Variants in C1orf167 observed in about 807,000 individuals in gnomAD.
C1orf167 encodes the protein chromosome 1 open reading frame 167.
Under a neutral mutation model 176.5 loss-of-function variants are expected in C1orf167, and 153 were observed. The ratio of observed to expected loss-of-function variants is 0.87; its 90% CI spans 0.76 to 0.99. The LOEUF (loss-of-function observed/expected upper bound fraction) is 0.99. Among genes scored for constraint, C1orf167 ranks in the 50% least tolerant of loss-of-function variants. The pLI, the probability that C1orf167 is intolerant of heterozygous loss-of-function variation, is 0.00. For synonymous variants in C1orf167, 594 were observed against 752.7 expected, an observed-to-expected ratio of 0.79 and a Z score of 3.45; for missense variants, 1,490 against 1,817.7, an observed-to-expected ratio of 0.82 and a Z score of 3.28.
intron 6 of C1orf167, among the ~76,000 whole-genome samples, chr1:11,771,069 A>ATATT (rs1557726938): frequency 4.2e-4 from 20 of 47,174 alleles, no homozygotes; most frequent in Admixed American, 8.1e-4. Context: ...ATATATATAT[A>ATATT]TTTTTTTTTT....
Position 11,762,221 on chromosome 1 carries a change from ACCTGCGGG to A in C1orf167, c.-154_-147del. The A allele has an allele frequency of 2.2e-6, 1 of 446,488 alleles. No individual in the cohort carries two copies. The highest frequency in any genetic ancestry group is 4.5e-6 in the Non-Finnish European group (1 of 220,030). 27.7% of individuals were successfully genotyped at this position (446,488 alleles called of 1,614,324 possible). ...GTCCCCTCCCGCCCGCGACCTGCCG[ACCTGCGGG>A]GATCGTTAGCGGTCCCAGCCCCCGT... On this transcript the variant is annotated 5_prime_UTR_variant, in exon 1 of 21. Coordinates refer to ENST00000688073, the MANE Select transcript of C1orf167 (RefSeq NM_001010881.2).
rs1570450479 is a variant in C1orf167 at position 11,787,940 on chromosome 1, G to A, written c.3741G>A (p.Trp1247Ter). 1.5e-6 allele frequency: 2 copies of A among 1,303,768 alleles called. No homozygotes were observed. Among genetic ancestry groups the A allele is most frequent in the Non-Finnish European group, 2.0e-6 (2 of 988,676 alleles). The allele number at this position is 1,303,768 out of a possible 1,614,324, so 80.8% of individuals were successfully genotyped here. A position where few individuals can be genotyped will look rare whatever the true frequency, so the allele number is the denominator to read the frequency against. Reference sequence around the variant, plus strand: ...CACAGTGGCCTGGACAGAGTAGCTGGGTCCCAGGCCTGCCCCTGTGGACGA... The same window carrying A: ...CACAGTGGCCTGGACAGAGTAGCTGAGTCCCAGGCCTGCCCCTGTGGACGA... ...LWPQWPGQSSWVPGLPLWTRD... is the reference protein window; with the variant it reads ...LWPQWPGQSS Residue 1247 changes from tryptophan (W) to a stop codon, truncating the protein, a stop_gained, in exon 18 of 21, where the codon TGG becomes TGA. Coordinates refer to ENST00000688073, the MANE Select transcript of C1orf167 (RefSeq NM_001010881.2). LOFTEE classifies it high-confidence loss of function.
chr1:11,770,517 C>T (rs1643002447), intron 6 of C1orf167, among the ~76,000 whole-genome samples: 1 of 149,152 alleles, frequency 6.7e-6, no homozygotes, highest in Admixed American at 6.7e-5. Context: ...CAATCTGGCT[C>T]ACTGCAACCT....
chr1:11,764,283 T>C (rs1431044417), intron 1 of C1orf167, 48 bp from the exon 2 acceptor site: 2 of 715,826 alleles, frequency 2.8e-6, no homozygotes, highest in Admixed American at 2.4e-5. Context: ...GGGATCAGAA[T>C]GGGGTGGGGT....
chr1:11,778,779 C>T lies in C1orf167; in HGVS notation c.2459C>T (p.Pro820Leu), dbSNP rs971168077. 8 of 1,303,666 alleles carry T rather than the reference C, an allele frequency of 6.1e-6. No individual in the cohort carries two copies. The African/African-American group carries it at 1.1e-4, about 17-fold the overall frequency. The allele number at this position is 1,303,666 out of a possible 1,614,324, so 80.8% of individuals were successfully genotyped here. A position where few individuals can be genotyped will look rare whatever the true frequency, so the allele number is the denominator to read the frequency against. Residue 820 changes from proline to leucine, a missense_variant, in exon 11 of 21, where the codon CCA (proline) becomes CTA (leucine). Pro to Leu is a moderately conservative substitution (Grantham distance 98). Coordinates refer to ENST00000688073, the MANE Select transcript of C1orf167 (RefSeq NM_001010881.2). Reference sequence around the variant, plus strand: ...ACCAAGACCCCCTCGGCTCTGGAGCCACTGAGCAGCAGCACACTCCAAGAC... The same window carrying T: ...ACCAAGACCCCCTCGGCTCTGGAGCTACTGAGCAGCAGCACACTCCAAGAC... ...SCTKTPSALE[P>L]LSSSTLQDSL...
intron 8 of C1orf167, among the ~76,000 whole-genome samples, chr1:11,775,075 AG>A (rs1643245361): frequency 6.6e-6 from 1 of 152,170 alleles, no homozygotes; most frequent in Non-Finnish European, 1.5e-5. Context: ...ACTTGAGGTC[AG>A]GAGTTCAAGA....
chr1:11,771,475 G>A (rs749865776), intron 6 of C1orf167, 49 bp from the exon 7 acceptor site: 109 of 1,209,038 alleles, frequency 9.0e-5, no homozygotes, highest in Middle Eastern at 2.2e-4. Flanking sequence ...GGGACCGAGT[G>A]CCCTTCCTCC....
chr1:11,765,803 C>T (rs568767639), intron 2 of C1orf167, 54 bp from the exon 3 acceptor site: 25 of 1,178,474 alleles, frequency 2.1e-5, no homozygotes, highest in African/African-American at 2.1e-4. Flanking sequence ...AGAGCTTCGC[C>T]TGTCCCACCT....
At position 11,768,426 on chromosome 1, in the gene C1orf167, T is replaced by A; in HGVS notation, c.1542+151T>A. 1 of 644,642 alleles carries A rather than the reference T, an allele frequency of 1.6e-6. No individual in the cohort carries two copies. The highest frequency in any genetic ancestry group is 2.3e-6 in the Non-Finnish European group (1 of 443,864). The allele number at this position is 644,642 out of a possible 1,614,324, so 39.9% of individuals were successfully genotyped here. A position where few individuals can be genotyped will look rare whatever the true frequency, so the allele number is the denominator to read the frequency against. On this transcript the variant is annotated intron_variant, in intron 5 of 20. Coordinates refer to ENST00000688073, the MANE Select transcript of C1orf167 (RefSeq NM_001010881.2). This position sits in a 1 kb window ranked among gnomAD's most constrained non-coding sequence, Gnocchi z 4.5. ...GGGTGTAGTTGTGAGTCCACACACC[T>A]GAATCAGCTCTGCCTGAGTTCAAAT...
chr1:11,779,156 C>T, intron 12 of C1orf167, 76 bp downstream of exon 12: 1 of 1,186,620 alleles, frequency 8.4e-7, no homozygotes, highest in South Asian at 1.6e-5. Context: ...CCACCCTTGG[C>T]CTTCACAGCA....
intron 13 of C1orf167, among the ~76,000 whole-genome samples, chr1:11,781,154 C>G (rs926053497): frequency 1.3e-5 from 2 of 152,060 alleles, no homozygotes; most frequent in Non-Finnish European, 2.9e-5. Flanking sequence ...CCTGCCACCA[C>G]ACCTGGCTAA....
chr1:11,785,072 C>G, intron 15 of C1orf167, 76 bp from the exon 16 acceptor site: 1 of 1,146,538 alleles, frequency 8.7e-7, no homozygotes, highest in Non-Finnish European at 1.1e-6. Context: ...CCCCCTCCCG[C>G]AGGGCACTGG....
chr1:11,778,583 TAGGG>T (rs1398323462), intron 10 of C1orf167, 73 bp from the exon 11 acceptor site: 1 of 1,176,688 alleles, frequency 8.5e-7, no homozygotes, highest in African/African-American at 1.6e-5. Context: ...GCGGCCAGGG[TAGGG>T]TAGCCCCTGC....
At position 11,775,527 on chromosome 1, in the gene C1orf167, T is replaced by C; in HGVS notation, c.2081T>C (p.Leu694Pro). The change falls in exon 9 of 21, where the codon CTG becomes CCG. Residue 694 changes from leucine to proline, a missense_variant. Transcript: ENST00000688073. ...CGGACGGGGACCCTGAGGAAATGCC[T>C]GGAACAGTGGGTGCGGATGAAGCAG... ...DRRTGTLRKC[L>P]EQWVRMKQLR... 1 of 1,304,216 alleles carries C rather than the reference T, an allele frequency of 7.7e-7. No individual in the cohort carries two copies. Among genetic ancestry groups the C allele is most frequent in the Non-Finnish European group, 1.0e-6 (1 of 988,930 alleles). 80.8% of individuals were successfully genotyped at this position (1,304,216 alleles called of 1,614,324 possible). A position where few individuals can be genotyped will look rare whatever the true frequency, so the allele number is the denominator to read the frequency against.
intron 20 of C1orf167, chr1:11,788,974 G>A: frequency 7.7e-6 from 3 of 387,536 alleles, no homozygotes; most frequent in South Asian, 6.2e-5. Context: ...CGGTCCATCA[G>A]TTTGCGAAGA....
intron 16 of C1orf167, among the ~76,000 whole-genome samples, chr1:11,785,522 TC>T (rs1284473141): frequency 6.6e-6 from 1 of 152,078 alleles, no homozygotes; most frequent in East Asian, 1.9e-4. Context: ...GCACCACCTC[TC>T]CCCAGTTCTC....
chr1:11,787,692 T>C (rs1643922548), intron 17 of C1orf167, 181 bp from the exon 18 acceptor site: 1 of 1,002,308 alleles, frequency 1.0e-6, no homozygotes, highest in African/African-American at 1.7e-5. Context: ...CCCTGTGATT[T>C]CTCTTTGGGC....
Position 11,764,444 on chromosome 1 carries a change from C to T in C1orf167, c.44C>T (p.Pro15Leu), listed in dbSNP as rs1208915032. The stretch of plus-strand genomic sequence containing the variant: ...GCCAGCCACAAGGAGAATGTGTCCC[C>T]AAAGCCTGCAGCGCTCCCGAAGCCA... ...SDASHKENVSPKPAALPKPEQ... is the reference protein window; with the variant it reads ...SDASHKENVSLKPAALPKPEQ... The change falls in exon 2 of 21, where the codon CCA becomes CTA. Residue 15 changes from proline (P) to leucine (L), a missense_variant. Physicochemically the swap from Pro to Leu is moderately conservative, Grantham distance 98. Coordinates refer to ENST00000688073, the MANE Select transcript of C1orf167 (RefSeq NM_001010881.2). The T allele has an allele frequency of 3.9e-6, 5 of 1,289,284 alleles. No individual in the cohort carries two copies. The highest frequency in any genetic ancestry group is 1.5e-5 in the African/African-American group (1 of 65,852). The allele number at this position is 1,289,284 out of a possible 1,614,324, so 79.9% of individuals were successfully genotyped here.
chr1:11,773,229 A>G (rs1643164704), intron 8 of C1orf167, among the ~76,000 whole-genome samples: 1 of 152,032 alleles, frequency 6.6e-6, no homozygotes, highest in African/African-American at 2.4e-5. Context: ...TAGAGCAGAT[A>G]GGATAATAAA....
Sources: gnomAD v4.1 joint callset for allele counts (sites outside exome capture counted in the v4.1 genomes callset) on GRCh38, gnomAD v4.1.1 for gene constraint, Gnocchi (gnomAD v3.1) non-coding constraint, MANE v1.5 for transcripts, NCBI Gene and HGNC (gene_info 2026-07-23, HGNC 2026-07-21) for gene names.